Variants in PTPRM observed in about 807,000 individuals in gnomAD.
PTPRM encodes the protein receptor-type tyrosine-protein phosphatase mu.
PTPRM carries 47 observed loss-of-function variants against 186.7 expected under a neutral mutation model. The ratio of observed to expected loss-of-function variants is 0.25; its 90% CI spans 0.20 to 0.32. The LOEUF (loss-of-function observed/expected upper bound fraction) is 0.32. Among genes scored for constraint, PTPRM ranks in the 10% least tolerant of loss-of-function variants. The pLI, the probability that PTPRM is intolerant of heterozygous loss-of-function variation, is 1.00. For synonymous variants in PTPRM, 668 were observed against 674.9 expected, an observed-to-expected ratio of 0.99 and a Z score of 0.16; for missense variants, 1,494 against 1,865.0, an observed-to-expected ratio of 0.80 and a Z score of 3.66.
chr18:7,595,671 T>G (rs1203767204), intron 1 of PTPRM, among the ~76,000 whole-genome samples: 11 of 152,212 alleles, frequency 7.2e-5, no homozygotes, highest in African/African-American at 2.7e-4. Context: ...ACTTCAATAG[T>G]AATGTTACTC....
intron 22 of PTPRM, among the ~76,000 whole-genome samples, chr18:8,323,963 A>G (rs945800292): frequency 6.6e-6 from 1 of 152,176 alleles, no homozygotes; most frequent in Non-Finnish European, 1.5e-5. Flanking sequence ...CTCATGAATT[A>G]TAGTAATTCT....
At chr18:8,160,643 G>C (rs2093212779) in intron 14 of PTPRM, among the ~76,000 whole-genome samples, 1 of 152,130 alleles carries the variant, frequency 6.6e-6, no homozygotes, top group Non-Finnish European at 1.5e-5. Context: ...AAAATATCTA[G>C]TTTTTCAAGT....
At chr18:8,046,434 T>A (rs892276379) in intron 7 of PTPRM, among the ~76,000 whole-genome samples, 1 of 152,206 alleles carries the variant, frequency 6.6e-6, no homozygotes, top group Non-Finnish European at 1.5e-5. Context: ...AATGCATAGC[T>A]GAGTATACCA....
At chr18:7,615,551 T>G (rs943878955) in intron 1 of PTPRM, among the ~76,000 whole-genome samples, 7 of 152,126 alleles carry the variant, frequency 4.6e-5, no homozygotes, top group Non-Finnish European at 8.8e-5. Context: ...GCCTCTGCCT[T>G]CCTTCTCTGG....
chr18:8,395,423 A>G (rs982576683), intron 32 of PTPRM, among the ~76,000 whole-genome samples: 1 of 152,202 alleles, frequency 6.6e-6, no homozygotes, highest in African/African-American at 2.4e-5. Flanking sequence ...TTGAGAGTCA[A>G]GCTGAATTTG....
intron 1 of PTPRM, among the ~76,000 whole-genome samples, chr18:7,698,575 A>C (rs188076398): frequency 1.3e-5 from 2 of 152,226 alleles, no homozygotes; most frequent in East Asian, 3.8e-4. Flanking sequence ...TTACTGTATC[A>C]GGCTTCTAAG....
chr18:7,975,923 C>T (rs1232324965), intron 7 of PTPRM, among the ~76,000 whole-genome samples: 1 of 152,196 alleles, frequency 6.6e-6, no homozygotes. Context: ...GTAATCCCAG[C>T]ACTTTGGGAG....
chr18:8,373,885 G>A (rs1461469794), intron 24 of PTPRM, among the ~76,000 whole-genome samples: 6 of 145,526 alleles, frequency 4.1e-5, no homozygotes, highest in Non-Finnish European at 9.0e-5. Context: ...ACCCTGTCTC[G>A]GAAAAAAAAA....
chr18:8,324,849 C>G (rs1046399937), intron 22 of PTPRM, among the ~76,000 whole-genome samples: 5 of 152,226 alleles, frequency 3.3e-5, no homozygotes, highest in African/African-American at 7.2e-5. Context: ...AGCATCAAGG[C>G]TCCTCCCCAC....
chr18:8,061,321 C>T (rs1416673959), intron 7 of PTPRM, among the ~76,000 whole-genome samples: 2 of 127,288 alleles, frequency 1.6e-5, no homozygotes, highest in African/African-American at 6.4e-5. Context: ...AGATCTTCCT[C>T]CATCCTTTTA....
intron 7 of PTPRM, among the ~76,000 whole-genome samples, chr18:8,038,722 A>G (rs575860617): frequency 1.3e-5 from 2 of 152,242 alleles, no homozygotes; most frequent in South Asian, 4.1e-4. Flanking sequence ...ACATAGCCGT[A>G]TTTCCAAGCA....
intron 7 of PTPRM, among the ~76,000 whole-genome samples, chr18:8,039,383 T>A (rs2086549375): frequency 6.6e-6 from 1 of 152,262 alleles, no homozygotes; most frequent in Non-Finnish European, 1.5e-5. Flanking sequence ...TTAGAATCAT[T>A]GCTTTTATAC....
At position 7,966,569 on chromosome 18, in the gene PTPRM, C is replaced by T. The variant is rs1599762207; in HGVS notation, c.1132+11155C>T. On this transcript the variant is annotated intron_variant, in intron 7 of 32. Coordinates refer to ENST00000580170, the MANE Select transcript of PTPRM (RefSeq NM_001105244.2). The stretch of plus-strand genomic sequence containing the variant: ...CCGGGTTCATCTCACTAGGGAGTGC[C>T]AGACAGTGGGCTCAGGTCAGTGGGT... Among the ~76,000 whole-genome samples the T allele has an allele frequency of 2.7e-5, 4 of 148,200 alleles. No homozygotes were observed. In the South Asian group the frequency reaches 6.5e-4, roughly 24 times the overall value.
At chr18:7,758,056 C>A (rs577911454) in intron 1 of PTPRM, among the ~76,000 whole-genome samples, 3 of 152,280 alleles carry the variant, frequency 2.0e-5, no homozygotes, top group African/African-American at 7.2e-5. Context: ...ACCTCACTCC[C>A]AACAATTCTG....
At chr18:7,658,609 GT>G (rs2038911035) in intron 1 of PTPRM, among the ~76,000 whole-genome samples, 1 of 152,024 alleles carries the variant, frequency 6.6e-6, no homozygotes, top group Non-Finnish European at 1.5e-5. Flanking sequence ...AGGATGGAAG[GT>G]TGGCTCTGAA....
intron 22 of PTPRM, among the ~76,000 whole-genome samples, chr18:8,323,886 G>A (rs1426292399): frequency 6.6e-6 from 1 of 152,042 alleles, no homozygotes; most frequent in African/African-American, 2.4e-5. Flanking sequence ...GAAATATCAA[G>A]ATCGTTTCCC....
intron 7 of PTPRM, among the ~76,000 whole-genome samples, chr18:8,050,907 G>C (rs907808717): frequency 3.3e-5 from 5 of 152,060 alleles, no homozygotes; most frequent in African/African-American, 1.2e-4. Context: ...CCAAGAATGA[G>C]ATTCAGAAGT....
intron 2 of PTPRM, among the ~76,000 whole-genome samples, chr18:7,862,424 A>G (rs1465836510): frequency 3.3e-5 from 5 of 152,342 alleles, no homozygotes; most frequent in Middle Eastern, 6.8e-3. Context: ...TCAAATATGA[A>G]TACCACATTC....
chr18:7,772,662 G>A (rs1301177524), intron 1 of PTPRM, among the ~76,000 whole-genome samples: 1 of 152,018 alleles, frequency 6.6e-6, no homozygotes, highest in African/African-American at 2.4e-5. Context: ...CTGGCTGGCT[G>A]GGAAGTTGTA....
Sources: allele counts gnomAD v4.1 joint callset (sites outside exome capture counted in the v4.1 genomes callset), GRCh38; gene constraint gnomAD v4.1.1; transcripts MANE v1.5; gene names NCBI Gene and HGNC (gene_info 2026-07-23, HGNC 2026-07-21).